Variants in PRKD1 observed in about 807,000 individuals in gnomAD.
PRKD1 encodes the protein serine/threonine-protein kinase D1.
Under a neutral mutation model 95.9 loss-of-function variants are expected in PRKD1, and 63 were observed. That is an observed-to-expected ratio of 0.66 (90% CI 0.54 to 0.81). The LOEUF is 0.81. Among genes scored for constraint, PRKD1 ranks in the 30% least tolerant of loss-of-function variants. The pLI is 0.00. For synonymous variants in PRKD1, 425 were observed against 423.1 expected, an observed-to-expected ratio of 1.00 and a Z score of -0.05; for missense variants, 1,048 against 1,165.3, an observed-to-expected ratio of 0.90 and a Z score of 1.47.
intron 1 of PRKD1, among the ~76,000 whole-genome samples, chr14:29,776,390 A>C (rs1888755587): frequency 6.6e-6 from 1 of 152,096 alleles, no homozygotes; most frequent in Non-Finnish European, 1.5e-5. Context: ...GAAGCTAAAA[A>C]CCTTGAAAAA....
rs951925495 is a variant in PRKD1, at chr14:29,726,846, G to GA, written c.265-1173dup. The stretch of plus-strand genomic sequence containing the variant: ...ACTGCTTCCAGTGTGCTAACTAAAA[G>GA]AAAAAAAAAACTTAGTTCACTTTAT... On this transcript the variant is annotated intron_variant, in intron 1 of 17. Transcript: ENST00000331968. Among the ~76,000 whole-genome samples, 100 of 144,990 alleles carry GA rather than the reference G, an allele frequency of 6.9e-4. 1 individual carries two copies. The highest frequency in any genetic ancestry group is 3.6e-3 in the Middle Eastern group (1 of 280).
At chr14:29,852,907 G>A (rs994323556) in intron 1 of PRKD1, among the ~76,000 whole-genome samples, 3 of 152,080 alleles carry the variant, frequency 2.0e-5, no homozygotes, top group African/African-American at 4.8e-5. Flanking sequence ...CTGAATGTAA[G>A]TAGATCAAAC....
intron 1 of PRKD1, among the ~76,000 whole-genome samples, chr14:29,895,014 ACT>A (rs1257717846): frequency 1.3e-5 from 2 of 152,212 alleles, no homozygotes; most frequent in South Asian, 2.1e-4. Flanking sequence ...AGAACTGGAT[ACT>A]CTCTAGCTCA....
At position 29,749,395 on chromosome 14, in the gene PRKD1, G is replaced by A. The variant is rs760633663; in HGVS notation, c.265-23721C>T. Among the ~76,000 whole-genome samples, 11 of 152,126 alleles carry A rather than the reference G, an allele frequency of 7.2e-5. 1 individual carries two copies. The highest frequency in any genetic ancestry group is 1.3e-4 in the Non-Finnish European group (9 of 68,030). On this transcript the variant is annotated intron_variant, in intron 1 of 17. Transcript: ENST00000331968. ...GCCTATTCAGGTTGGAATATATGCC[G>A]GCTATGTCTGTAGTATGTGTGTGTG...
At chr14:29,624,461 T>C (rs561316107) in intron 12 of PRKD1, among the ~76,000 whole-genome samples, 2 of 152,214 alleles carry the variant, frequency 1.3e-5, no homozygotes, top group South Asian at 4.1e-4. Context: ...ATAGCCATAA[T>C]TTAGAACGCA....
intron 1 of PRKD1, among the ~76,000 whole-genome samples, chr14:29,840,825 G>A (rs145628286): frequency 4.6e-5 from 7 of 152,268 alleles, no homozygotes; most frequent in Admixed American, 2.6e-4. Context: ...AGAACAGCAC[G>A]GGAAAGACCT....
intron 1 of PRKD1, among the ~76,000 whole-genome samples, chr14:29,805,647 C>A (rs971629085): frequency 6.6e-6 from 1 of 152,166 alleles, no homozygotes; most frequent in African/African-American, 2.4e-5. Flanking sequence ...TAGAGTATTG[C>A]ATTTTTCAGA....
chr14:29,725,040 T>C (rs1886072549), intron 2 of PRKD1, among the ~76,000 whole-genome samples: 1 of 152,240 alleles, frequency 6.6e-6, no homozygotes, highest in African/African-American at 2.4e-5. Flanking sequence ...TCACATGGCA[T>C]GACCTGACCT....
In PRKD1 at chr14:29,922,153, T is replaced by A. The variant is rs534973303; in HGVS notation, c.264+5096A>T. On this transcript the variant is annotated intron_variant, in intron 1 of 17. Transcript: ENST00000331968. ...CATCTCTACTAAAAATACAAAAAAA[T>A]AGCAGTGCATGGTGGCAGGCGCCTG... 1.4e-3 allele frequency among the ~76,000 whole-genome samples: 214 copies of A among 151,700 alleles called. 2 individuals carry two copies. Among genetic ancestry groups the A allele is most frequent in the Non-Finnish European group, 1.9e-3 (128 of 67,934 alleles).
At chr14:29,599,621 T>G in intron 14 of PRKD1, 35 bp downstream of exon 14, 1 of 1,571,896 alleles carries the variant, frequency 6.4e-7, no homozygotes, top group Non-Finnish European at 8.7e-7. Context: ...TGATATTAAA[T>G]ATTGTATTTT....
At chr14:29,868,663 G>A (rs1030702198) in intron 1 of PRKD1, among the ~76,000 whole-genome samples, 3 of 152,102 alleles carry the variant, frequency 2.0e-5, no homozygotes, top group African/African-American at 7.2e-5. Context: ...ATGAAGAAGA[G>A]AAATAGGTTT....
intron 15 of PRKD1, 59 bp downstream of exon 15, chr14:29,598,968 A>T: frequency 7.4e-7 from 1 of 1,352,330 alleles, no homozygotes; most frequent in Non-Finnish European, 1.1e-6. Flanking sequence ...ACAAGATGCT[A>T]CATGGAAGCT....
At chr14:29,919,634 A>G (rs1413729473) in intron 1 of PRKD1, among the ~76,000 whole-genome samples, 6 of 152,168 alleles carry the variant, frequency 3.9e-5, no homozygotes, top group Non-Finnish European at 8.8e-5. Flanking sequence ...AAGGAAAATC[A>G]CCATTTTCTT....
chr14:29,730,310 A>G (rs1289730199), intron 1 of PRKD1, among the ~76,000 whole-genome samples: 2 of 152,118 alleles, frequency 1.3e-5, no homozygotes, highest in African/African-American at 2.4e-5. Flanking sequence ...TAAAAACACA[A>G]TGAGATATTA....
chr14:29,902,698 T>C (rs991532575), intron 1 of PRKD1, among the ~76,000 whole-genome samples: 4 of 152,208 alleles, frequency 2.6e-5, no homozygotes, highest in South Asian at 2.1e-4. Flanking sequence ...TCTGTACCCA[T>C]AGATTTCTAA....
chr14:29,714,115 G>C (rs1404293588), intron 2 of PRKD1, among the ~76,000 whole-genome samples: 1 of 152,148 alleles, frequency 6.6e-6, no homozygotes, highest in South Asian at 2.1e-4. Context: ...AATTAGATTT[G>C]AGAGTCCAAA....
At chr14:29,647,156 T>C (rs922788566) in intron 4 of PRKD1, among the ~76,000 whole-genome samples, 2 of 152,220 alleles carry the variant, frequency 1.3e-5, no homozygotes, top group African/African-American at 4.8e-5. Flanking sequence ...ATTTCTTAAA[T>C]GTTTACAGCA....
At chr14:29,585,933 T>C (rs570428336) in intron 16 of PRKD1, among the ~76,000 whole-genome samples, 14 of 152,354 alleles carry the variant, frequency 9.2e-5, no homozygotes, top group African/African-American at 3.4e-4. Flanking sequence ...CAGCTACAGT[T>C]GAGCATGACT....
At chr14:29,778,751 T>A (rs1348758679) in intron 1 of PRKD1, among the ~76,000 whole-genome samples, 2 of 152,076 alleles carry the variant, frequency 1.3e-5, no homozygotes, top group Admixed American at 1.3e-4. Flanking sequence ...TGATTCCAAT[T>A]GATAGAAAAA....
Sources: gnomAD v4.1 joint callset for allele counts (sites outside exome capture counted in the v4.1 genomes callset) on GRCh38, gnomAD v4.1.1 for gene constraint, MANE v1.5 for transcripts, NCBI Gene and HGNC (gene_info 2026-07-23, HGNC 2026-07-21) for gene names.